The following PRRC1 variants were observed in gnomAD, a reference collection of about 807,000 sequenced individuals.
PRRC1 encodes proline rich coiled-coil 1, also known as protein PRRC1.
Under a neutral mutation model 40.7 loss-of-function variants are expected in PRRC1, and 39 were observed. The ratio of observed to expected loss-of-function variants is 0.96; its 90% CI spans 0.74 to 1.25. The LOEUF is 1.25. Among genes scored for constraint, PRRC1 ranks in the 50% most tolerant of loss-of-function variants. PRRC1 has a pLI of 0.00. For missense variants in PRRC1, 573 were observed against 548.3 expected (o/e 1.05, Z -0.45); for synonymous variants, 175 against 193.3 (o/e 0.91, Z 0.79).
intron 6 of PRRC1, among the ~76,000 whole-genome samples, chr5:127,534,059 C>A (rs535282382): frequency 1.3e-5 from 2 of 152,154 alleles, no homozygotes; most frequent in African/African-American, 4.8e-5. Context: ...CTTCTTAATC[C>A]AGCATTAACA....
At position 127,553,445 on chromosome 5, in the gene PRRC1, G is replaced by C; in HGVS notation, c.*1529G>C. On this transcript the variant is annotated 3_prime_UTR_variant, in exon 9 of 9. Transcript: ENST00000296666. ...CACAGAGAGGTTATAGGTTGCCTTG[G>C]TGTACTTTTGTCCAGGAGTAACAGG... 9.0e-7 allele frequency: 1 copy of C among 1,105,156 alleles called. No homozygotes were observed. Among genetic ancestry groups the C allele is most frequent in the African/African-American group, 1.7e-5 (1 of 58,930 alleles). The allele number at this position is 1,105,156 out of a possible 1,614,324, so 68.5% of individuals were successfully genotyped here.
chr5:127,548,602 G>A (rs1768289750), intron 8 of PRRC1: 1 of 151,672 alleles, frequency 6.6e-6, no homozygotes, highest in African/African-American at 2.4e-5. Context: ...TGTTACAGTT[G>A]TAGTTTGTAC....
chr5:127,548,192 G>C (rs1768278270), intron 8 of PRRC1: 1 of 527,064 alleles, frequency 1.9e-6, no homozygotes, highest in African/African-American at 1.9e-5. Flanking sequence ...TTTTTACTCT[G>C]AGTTCTGGAA....
intron 7 of PRRC1, among the ~76,000 whole-genome samples, chr5:127,542,794 A>T (rs1156567784): frequency 2.7e-5 from 4 of 150,664 alleles, no homozygotes; most frequent in African/African-American, 4.9e-5. Context: ...GGTTTCCTGA[A>T]TACAGCACAC....
At chr5:127,550,977 T>TA (rs1006318105) in intron 8 of PRRC1, 1 of 152,058 alleles carries the variant, frequency 6.6e-6, no homozygotes, top group African/African-American at 2.4e-5. Flanking sequence ...TGGATATCGT[T>TA]AAAAAAGAAA....
chr5:127,550,049 A>G (rs1198430122), intron 8 of PRRC1: 2 of 151,778 alleles, frequency 1.3e-5, no homozygotes, highest in African/African-American at 4.8e-5. Context: ...CACATCTAGT[A>G]TGATCCCATT....
Position 127,524,703 on chromosome 5 carries a change from T to C in PRRC1, c.276T>C (p.Pro92=). 6.2e-7 allele frequency: 1 copy of C among 1,614,170 alleles called. No homozygotes were observed. Among genetic ancestry groups the C allele is most frequent in the Non-Finnish European group, 8.5e-7 (1 of 1,180,022 alleles). The change falls in exon 3 of 9, where the codon CCT becomes CCC. Residue 92 remains proline (P), a synonymous_variant. Transcript: ENST00000296666. The part of the protein sequence containing the change: ...SVPPLVTSMP[P]PVSPSTAAAF... The stretch of plus-strand genomic sequence containing the variant: ...CACCACTTGTTACTTCTATGCCACC[T>C]CCTGTTTCTCCATCAACTGCTGCTG...
Position 127,553,780 on chromosome 5 carries a change from T to G in PRRC1, c.*1864T>G, listed in dbSNP as rs1179262839. ...AGAATTGTTCTCATAGAATCACAAATACTGACATTTCATTAGATGATTATT... is the reference window on the plus strand; with the variant it reads ...AGAATTGTTCTCATAGAATCACAAAGACTGACATTTCATTAGATGATTATT... On this transcript the variant is annotated 3_prime_UTR_variant, in exon 9 of 9. Coordinates refer to ENST00000296666, the MANE Select transcript of PRRC1 (RefSeq NM_130809.5). 6.5e-7 allele frequency: 1 copy of G among 1,534,880 alleles called. No homozygotes were observed. Among genetic ancestry groups the G allele is most frequent in the East Asian group, 2.4e-5 (1 of 40,902 alleles).
intron 3 of PRRC1, among the ~76,000 whole-genome samples, chr5:127,525,808 C>G (rs1767601277): frequency 6.6e-6 from 1 of 151,940 alleles, no homozygotes; most frequent in Non-Finnish European, 1.5e-5. Flanking sequence ...TCAGAAAATT[C>G]CAAAATTTTG....
At chr5:127,535,015 A>C (rs1323955747) in intron 6 of PRRC1, among the ~76,000 whole-genome samples, 1 of 152,118 alleles carries the variant, frequency 6.6e-6, no homozygotes, top group Non-Finnish European at 1.5e-5. Flanking sequence ...TTGTTTTTCA[A>C]CATAATTGTG....
chr5:127,521,824 T>C (rs31191), intron 1 of PRRC1, among the ~76,000 whole-genome samples: 48,402 of 152,034 alleles, frequency 0.32, 7,970 homozygotes, highest in East Asian at 0.55. Flanking sequence ...ATTCACTTTT[T>C]CTGGACTCTG....
Position 127,529,338 on chromosome 5 carries a change from C to T in PRRC1, c.655-956C>T, listed in dbSNP as rs540486982. On this transcript the variant is annotated intron_variant, in intron 4 of 8. Transcript: ENST00000296666. ...TTCTAAGCTTGTTTATTTTTTAATA[C>T]CCCTCTGTACTTTTTTAAAAAGTTT... 3.0e-4 allele frequency among the ~76,000 whole-genome samples: 46 copies of T among 151,760 alleles called. No homozygotes were observed. In the East Asian group the frequency reaches 8.9e-3, roughly 29 times the overall value.
intron 1 of PRRC1, among the ~76,000 whole-genome samples, chr5:127,519,243 G>T (rs1354691311): frequency 6.6e-6 from 1 of 152,066 alleles, no homozygotes; most frequent in Non-Finnish European, 1.5e-5. Context: ...ATCTCCAAAG[G>T]GGCATTTCTA....
At chr5:127,519,598 C>T (rs375547311) in intron 1 of PRRC1, among the ~76,000 whole-genome samples, 10 of 151,826 alleles carry the variant, frequency 6.6e-5, no homozygotes. Flanking sequence ...TGGTTTTCTT[C>T]CTTTCTTTTA....
At chr5:127,528,569 G>A (rs1420786719) in intron 4 of PRRC1, among the ~76,000 whole-genome samples, 3 of 151,916 alleles carry the variant, frequency 2.0e-5, no homozygotes, top group Admixed American at 6.6e-5. Context: ...TGCCCGCCTC[G>A]CCTCCCAAAG....
At chr5:127,526,896 GCA>G in intron 4 of PRRC1, 118 bp downstream of exon 4, 1 of 854,754 alleles carries the variant, frequency 1.2e-6, no homozygotes, top group African/African-American at 1.7e-5. Context: ...TTTTTTATTA[GCA>G]GTTTTCTGTA....
In PRRC1 at chr5:127,552,898, T is replaced by G; in HGVS notation, c.*982T>G. On this transcript the variant is annotated 3_prime_UTR_variant, in exon 9 of 9. Transcript: ENST00000296666. ...TAACTTTGTGCCATTTGGTCTTTAC[T>G]TTTTATGGATGTTTTCAAAGAAACT... 19 of 948,958 alleles carry G rather than the reference T, an allele frequency of 2.0e-5. No homozygotes were observed. Among genetic ancestry groups the G allele is most frequent in the Non-Finnish European group, 2.4e-5 (19 of 796,842 alleles). The allele number at this position is 948,958 out of a possible 1,614,324, so 58.8% of individuals were successfully genotyped here. A position where few individuals can be genotyped will look rare whatever the true frequency, so the allele number is the denominator to read the frequency against.
At chr5:127,531,157 A>G (rs1231764891) in intron 5 of PRRC1, among the ~76,000 whole-genome samples, 1 of 152,202 alleles carries the variant, frequency 6.6e-6, no homozygotes, top group Non-Finnish European at 1.5e-5. Context: ...AAGGCCTAGC[A>G]ATTGTTAAGT....
intron 7 of PRRC1, among the ~76,000 whole-genome samples, chr5:127,543,351 T>C (rs995380664): frequency 2.0e-5 from 3 of 151,860 alleles, no homozygotes; most frequent in African/African-American, 7.3e-5. Flanking sequence ...ATTATGTGTC[T>C]TGGAGTTGCT....
Sources: allele counts gnomAD v4.1 joint callset (sites outside exome capture counted in the v4.1 genomes callset), GRCh38; gene constraint gnomAD v4.1.1; transcripts MANE v1.5; gene names NCBI Gene and HGNC (gene_info 2026-07-23, HGNC 2026-07-21).